The following ZKSCAN5 variants were observed in gnomAD, a reference collection of about 807,000 sequenced individuals.
ZKSCAN5 encodes the protein zinc finger with KRAB and SCAN domains 5.
In ZKSCAN5, 28 loss-of-function variants were observed where a neutral mutation model predicts 60.0. The ratio of observed to expected loss-of-function variants is 0.47; its 90% CI spans 0.35 to 0.64. The LOEUF (loss-of-function observed/expected upper bound fraction) is 0.64. Among genes scored for constraint, ZKSCAN5 ranks in the 30% least tolerant of loss-of-function variants. The pLI, the probability that ZKSCAN5 is intolerant of heterozygous loss-of-function variation, is 0.01. For synonymous variants in ZKSCAN5, 361 were observed against 371.2 expected (o/e 0.97, Z 0.31); for missense variants, 881 against 1,034.6 (o/e 0.85, Z 2.04).
chr7:99,522,731 A>G, intron 5 of ZKSCAN5, among the ~76,000 whole-genome samples: 1 of 151,412 alleles, frequency 6.6e-6, no homozygotes, highest in East Asian at 2.0e-4. Context: ...AGGTGATCCA[A>G]CCACCTCGAC....
intron 5 of ZKSCAN5, among the ~76,000 whole-genome samples, chr7:99,523,616 A>G (rs758112233): frequency 6.6e-6 from 1 of 152,072 alleles, no homozygotes; most frequent in Non-Finnish European, 1.5e-5. Flanking sequence ...AAATCAATCA[A>G]TCAATCAATC....
At chr7:99,528,139 T>TC (rs1050684380) in intron 6 of ZKSCAN5, among the ~76,000 whole-genome samples, 5 of 150,234 alleles carry the variant, frequency 3.3e-5, no homozygotes, top group African/African-American at 1.2e-4. Flanking sequence ...TTTTTTTTTT[T>TC]AATTCTGCCT....
chr7:99,529,745 G>GT (rs371074749), intron 6 of ZKSCAN5, among the ~76,000 whole-genome samples: 8 of 151,500 alleles, frequency 5.3e-5, no homozygotes, highest in South Asian at 2.1e-4. Flanking sequence ...TGACTTCTTT[G>GT]TTTTTTTTGA....
At chr7:99,527,977 C>G (rs1201488062) in intron 6 of ZKSCAN5, among the ~76,000 whole-genome samples, 1 of 152,096 alleles carries the variant, frequency 6.6e-6, no homozygotes, top group Non-Finnish European at 1.5e-5. Context: ...GTGTGAGCTA[C>G]CATGCCGGGC....
chr7:99,531,431 C>G lies in ZKSCAN5; in HGVS notation c.1702C>G (p.Gln568Glu). Reference protein sequence around the residue: ...FIQSAHLIQHQRIHTGEKPFR... With the variant: ...FIQSAHLIQHERIHTGEKPFR... Reference sequence around the variant, plus strand: ...TCAGAGTGCACATCTTATTCAACATCAAAGAATACACACTGGGGAGAAACC... The same window carrying G: ...TCAGAGTGCACATCTTATTCAACATGAAAGAATACACACTGGGGAGAAACC... Residue 568 changes from glutamine to glutamate, a missense_variant, in exon 7 of 7, where the codon CAA becomes GAA. Physicochemically the swap from Gln to Glu is conservative, Grantham distance 29. Coordinates refer to ENST00000326775, the MANE Select transcript of ZKSCAN5 (RefSeq NM_145102.4). The G allele has an allele frequency of 6.2e-7, 1 of 1,614,136 alleles. No individual in the cohort carries two copies. The highest frequency in any genetic ancestry group is 8.5e-7 in the Non-Finnish European group (1 of 1,180,036).
intron 5 of ZKSCAN5, among the ~76,000 whole-genome samples, chr7:99,524,500 CTG>C (rs1801687832): frequency 6.6e-6 from 1 of 152,204 alleles, no homozygotes; most frequent in Non-Finnish European, 1.5e-5. Context: ...GCATGAGCCA[CTG>C]TGCCTGGCCA....
chr7:99,504,669 C>G lies in ZKSCAN5; in HGVS notation c.-105C>G, dbSNP rs974277769. On this transcript the variant is annotated 5_prime_UTR_variant, in exon 1 of 7. Transcript: ENST00000326775. ...AGATGTAGTTCCGGGAACAGCTGGC[C>G]CCTGCGACTCGCGGGTGTGACGTTG... The G allele has an allele frequency of 6.6e-6, 1 of 152,260 alleles. No homozygotes were observed. Among genetic ancestry groups the G allele is most frequent in the African/African-American group, 2.4e-5 (1 of 41,468 alleles). 9.4% of individuals were successfully genotyped at this position (152,260 alleles called of 1,614,324 possible). A position where few individuals can be genotyped will look rare whatever the true frequency, so the allele number is the denominator to read the frequency against.
intron 2 of ZKSCAN5, among the ~76,000 whole-genome samples, chr7:99,508,309 T>C (rs1800860068): frequency 6.7e-6 from 1 of 148,580 alleles, no homozygotes; most frequent in Non-Finnish European, 1.5e-5. Flanking sequence ...AAAAAAAAAG[T>C]ACATTTGTAA....
rs1802175886 is a variant in ZKSCAN5, at chr7:99,534,663, G to A, written c.*2414G>A. 7.9e-6 allele frequency: 1 copy of A among 126,450 alleles called. No homozygotes were observed. Among genetic ancestry groups the A allele is most frequent in the Non-Finnish European group, 1.6e-5 (1 of 62,774 alleles). 7.8% of individuals were successfully genotyped at this position (126,450 alleles called of 1,614,324 possible). On this transcript the variant is annotated 3_prime_UTR_variant, in exon 7 of 7. Transcript: ENST00000326775. Reference sequence around the variant, plus strand: ...ACTGCACTCTAGCCCAGTTGACAGAGCGACAGTGTCTAAAAAAAAAAAAAA... The same window carrying A: ...ACTGCACTCTAGCCCAGTTGACAGAACGACAGTGTCTAAAAAAAAAAAAAA...
intron 6 of ZKSCAN5, 144 bp downstream of exon 6, chr7:99,526,562 G>A (rs2151114811): frequency 1.3e-5 from 18 of 1,390,542 alleles, no homozygotes; most frequent in Non-Finnish European, 1.7e-5. Context: ...TGGTTCTTAT[G>A]TATTTATTTT....
intron 6 of ZKSCAN5, among the ~76,000 whole-genome samples, chr7:99,526,649 G>A (rs138153449): frequency 2.8e-4 from 42 of 152,268 alleles, no homozygotes; most frequent in African/African-American, 6.7e-4. Context: ...CTGCCTCCCC[G>A]GTTCAAGCGA....
At position 99,526,361 on chromosome 7, in the gene ZKSCAN5, C is replaced by T. The variant is rs1584199334; in HGVS notation, c.1321C>T (p.Arg441Cys). 4 of 1,604,946 alleles carry T rather than the reference C, an allele frequency of 2.5e-6. No individual in the cohort carries two copies. Among genetic ancestry groups the T allele is most frequent in the Non-Finnish European group, 3.4e-6 (4 of 1,179,980 alleles). The change falls in exon 6 of 7, where the codon CGC becomes TGC. Residue 441 changes from arginine (R) to cysteine (C), a missense_variant. Coordinates refer to ENST00000326775, the MANE Select transcript of ZKSCAN5 (RefSeq NM_145102.4). ...CAATGAGTGTGGGAAGAACTTCGGT[C>T]GCCATTCGCATCTGATCGAACACCT... ...GCNECGKNFG[R>C]HSHLIEHLKR...
At chr7:99,522,266 T>C (rs1243152097) in intron 5 of ZKSCAN5, among the ~76,000 whole-genome samples, 3 of 152,186 alleles carry the variant, frequency 2.0e-5, no homozygotes. Context: ...GTGAGATTTT[T>C]ACAACATAAG....
rs1204386144 is a variant in ZKSCAN5 at position 99,533,892 on chromosome 7, G to A, written c.*1643G>A. On this transcript the variant is annotated 3_prime_UTR_variant, in exon 7 of 7. Transcript: ENST00000326775. ...ATCTAAGACATTTGGTGCCACAAGT[G>A]GTCATAGGAAGCTGCTGTGAGAGTG... The A allele has an allele frequency of 3.1e-6, 1 of 327,418 alleles. No individual in the cohort carries two copies. The highest frequency in any genetic ancestry group is 4.7e-5 in the East Asian group (1 of 21,162). The allele number at this position is 327,418 out of a possible 1,614,324, so 20.3% of individuals were successfully genotyped here.
intron 2 of ZKSCAN5, among the ~76,000 whole-genome samples, chr7:99,507,415 A>G (rs1004675068): frequency 6.6e-6 from 1 of 151,766 alleles, no homozygotes; most frequent in East Asian, 1.9e-4. Context: ...ATATGTGTGT[A>G]TGTAATATAC....
At chr7:99,512,297 A>G (rs1179127434) in intron 2 of ZKSCAN5, among the ~76,000 whole-genome samples, 156 bp from the exon 3 acceptor site, 1 of 152,220 alleles carries the variant, frequency 6.6e-6, no homozygotes, top group Non-Finnish European at 1.5e-5. Flanking sequence ...GAAGTAAACC[A>G]TGTTTATTAA....
At chr7:99,524,088 T>TG (rs1333887212) in intron 5 of ZKSCAN5, among the ~76,000 whole-genome samples, 9 of 151,016 alleles carry the variant, frequency 6.0e-5, no homozygotes, top group African/African-American at 2.2e-4. Context: ...TTTTTTTTTT[T>TG]GGGACAGAGT....
At chr7:99,516,225 T>C (rs535609683) in intron 3 of ZKSCAN5, among the ~76,000 whole-genome samples, 23 of 152,324 alleles carry the variant, frequency 1.5e-4, no homozygotes, top group Middle Eastern at 3.4e-3. Flanking sequence ...CTGTCCACTT[T>C]CAGGGTTTCT....
At chr7:99,505,276 G>T (rs1353688497) in intron 1 of ZKSCAN5, 1 of 152,216 alleles carries the variant, frequency 6.6e-6, no homozygotes, top group Non-Finnish European at 1.5e-5. Flanking sequence ...TTCCGGCGAG[G>T]AAGTGTTGGG....
Sources: gnomAD v4.1 joint callset for allele counts (sites outside exome capture counted in the v4.1 genomes callset) on GRCh38, gnomAD v4.1.1 for gene constraint, MANE v1.5 for transcripts, NCBI Gene and HGNC (gene_info 2026-07-23, HGNC 2026-07-21) for gene names.